The following CAPZB variants were observed in gnomAD, a reference collection of about 807,000 sequenced individuals.
CAPZB encodes the protein F-actin-capping protein subunit beta.
In CAPZB, 2 loss-of-function variants were observed where a neutral mutation model predicts 38.1. The observed-to-expected ratio is 0.05, with a 90% CI of 0.02 to 0.17. CAPZB has a LOEUF of 0.17. Among genes scored for constraint, CAPZB ranks in the 10% least tolerant of loss-of-function variants. The pLI, the probability that CAPZB is intolerant of heterozygous loss-of-function variation, is 1.00. For synonymous variants in CAPZB, 107 were observed against 127.4 expected (o/e 0.84, Z 1.08); for missense variants, 161 against 334.2 (o/e 0.48, Z 4.04).
intron 1 of CAPZB, among the ~76,000 whole-genome samples, chr1:19,469,741 T>TATACACACACAC (rs369308849): frequency 7.3e-6 from 1 of 136,620 alleles, no homozygotes; most frequent in African/African-American, 2.8e-5. Context: ...AGGAAAAGAA[T>TATACACACACAC]ACACACACAC....
intron 8 of CAPZB, chr1:19,342,694 G>C (rs921875680): frequency 1.0e-4 from 106 of 1,055,324 alleles, no homozygotes; most frequent in Non-Finnish European, 1.4e-4. Context: ...GCAGGGTCTC[G>C]GCGGGTTGGT....
intron 2 of CAPZB, among the ~76,000 whole-genome samples, chr1:19,410,995 A>C (rs1211964392): frequency 6.6e-6 from 1 of 152,180 alleles, no homozygotes; most frequent in East Asian, 1.9e-4. Context: ...GAAGCGTATT[A>C]ATAATGAGAC....
chr1:19,378,358 G>A (rs1011380945), intron 4 of CAPZB, among the ~76,000 whole-genome samples, 182 bp downstream of exon 4: 1 of 152,158 alleles, frequency 6.6e-6, no homozygotes, highest in African/African-American at 2.4e-5. Context: ...ATCCTGCTAT[G>A]GGAGGCTCCC....
At chr1:19,365,932 G>T (rs1464567837) in intron 4 of CAPZB, among the ~76,000 whole-genome samples, 2 of 152,164 alleles carry the variant, frequency 1.3e-5, no homozygotes, top group African/African-American at 4.8e-5. Context: ...TGGAATGCCG[G>T]CTGAAGAGCT....
chr1:19,412,718 A>C (rs1204411781), intron 2 of CAPZB, among the ~76,000 whole-genome samples: 1 of 152,210 alleles, frequency 6.6e-6, no homozygotes, highest in Non-Finnish European at 1.5e-5. Context: ...TTGGGGAAAG[A>C]ATGAGAAGCG....
rs370996580 is a variant in CAPZB, at chr1:19,357,452, G to A, written c.441C>T (p.Cys147=). The A allele has an allele frequency of 6.2e-7, 1 of 1,614,054 alleles. No homozygotes were observed. The highest frequency in any genetic ancestry group is 8.5e-7 in the Non-Finnish European group (1 of 1,180,016). Residue 147 remains cysteine, a synonymous_variant, in exon 5 of 9, where the codon TGC becomes TGT. Coordinates refer to ENST00000264202, the MANE Select transcript of CAPZB (RefSeq NM_004930.5). This position sits in a 1 kb window ranked among gnomAD's most constrained non-coding sequence, Gnocchi z 4.3. The stretch of plus-strand genomic sequence containing the variant: ...CTTCTACCACGTGGATGGAATCCCA[G>A]CAGCCTTTGATCTTCTTTGATCCAT... The part of the protein sequence containing the change: ...AGDGSKKIKG[C]WDSIHVVEVQ...
rs553315877 is a variant in CAPZB, at chr1:19,383,578, C to T, written c.215+1927G>A. On this transcript the variant is annotated intron_variant, in intron 3 of 8. Coordinates refer to ENST00000264202, the MANE Select transcript of CAPZB (RefSeq NM_004930.5). ...GATGCTCCCAAGGACAGCACCTGGA[C>T]GCCATGCTGTGACCAGCAGTTCCAG... Among the ~76,000 whole-genome samples, 8 of 152,274 alleles carry T rather than the reference C, an allele frequency of 5.3e-5. No individual in the cohort carries two copies. In the South Asian group the frequency reaches 6.2e-4, roughly 12 times the overall value.
Position 19,485,469 on chromosome 1 carries a change from G to A in CAPZB, c.-31C>T, listed in dbSNP as rs1460944790. On this transcript the variant is annotated 5_prime_UTR_variant, in exon 1 of 9. Transcript: ENST00000264202. ...CGGCGGCGGCGGCGGTCCCGGTCCC[G>A]GCGTCAGTGGCTCTCCCCCCCGCAG... 66 of 1,229,510 alleles carry A rather than the reference G, an allele frequency of 5.4e-5. No homozygotes were observed. Among genetic ancestry groups the A allele is most frequent in the Admixed American group, 8.5e-5 (2 of 23,562 alleles). The allele number at this position is 1,229,510 out of a possible 1,614,324, so 76.2% of individuals were successfully genotyped here. A position where few individuals can be genotyped will look rare whatever the true frequency, so the allele number is the denominator to read the frequency against.
chr1:19,432,983 T>C (rs1344434317), intron 1 of CAPZB, among the ~76,000 whole-genome samples: 2 of 152,134 alleles, frequency 1.3e-5, no homozygotes, highest in Non-Finnish European at 2.9e-5. Context: ...ACAAACACTA[T>C]CCCTGGCAGG....
At chr1:19,397,129 C>T (rs2094275748) in intron 2 of CAPZB, among the ~76,000 whole-genome samples, 2 of 152,148 alleles carry the variant, frequency 1.3e-5, no homozygotes, top group African/African-American at 2.4e-5. Context: ...TGAAAAGATA[C>T]ATAGTGAAAC....
intron 1 of CAPZB, chr1:19,448,811 C>T: frequency 6.2e-7 from 1 of 1,612,558 alleles, no homozygotes; most frequent in Non-Finnish European, 8.5e-7. Flanking sequence ...CTCCTCCCCC[C>T]TCAGATCTAA....
intron 1 of CAPZB, among the ~76,000 whole-genome samples, chr1:19,485,048 G>C (rs867782063): frequency 6.6e-6 from 1 of 152,128 alleles, no homozygotes; most frequent in African/African-American, 2.4e-5. Context: ...CCGGAGAGAC[G>C]GGGGAAAGCA....
At chr1:19,449,462 GA>G (rs1349574309) in intron 1 of CAPZB, 1 of 382,512 alleles carries the variant, frequency 2.6e-6, no homozygotes, top group Admixed American at 6.3e-5. Context: ...GGAACAGTAC[GA>G]AACAGCTAAA....
At chr1:19,418,737 T>TCTC (rs1333461741) in intron 2 of CAPZB, among the ~76,000 whole-genome samples, 11 of 152,306 alleles carry the variant, frequency 7.2e-5, no homozygotes, top group African/African-American at 2.6e-4. Flanking sequence ...CATCCGTGCC[T>TCTC]CTCCTAGCAG....
chr1:19,461,956 A>T (rs1467751893), intron 1 of CAPZB, among the ~76,000 whole-genome samples: 7 of 152,230 alleles, frequency 4.6e-5, no homozygotes, highest in African/African-American at 7.2e-5. Flanking sequence ...CAATGAATAA[A>T]TATGTGCTAT....
intron 4 of CAPZB, among the ~76,000 whole-genome samples, chr1:19,369,713 G>C (rs2094109834): frequency 6.6e-6 from 1 of 152,230 alleles, no homozygotes; most frequent in Non-Finnish European, 1.5e-5. Context: ...CCTACCTCTA[G>C]GCAAGGAAAT....
intron 1 of CAPZB, among the ~76,000 whole-genome samples, chr1:19,441,103 T>TA (rs2094474877): frequency 6.6e-6 from 1 of 152,182 alleles, no homozygotes; most frequent in Non-Finnish European, 1.5e-5. Flanking sequence ...TTATAGCTGC[T>TA]AAAACCTTAT....
In CAPZB at chr1:19,460,574, C is replaced by CTTTTTTTTTTTTTTT. The variant is rs35288971; in HGVS notation, c.3+24847_3+24861dup. Among the ~76,000 whole-genome samples, 77 of 90,980 alleles carry CTTTTTTTTTTTTTTT rather than the reference C, an allele frequency of 8.5e-4. 3 individuals carry two copies. Among genetic ancestry groups the CTTTTTTTTTTTTTTT allele is most frequent in the East Asian group, 1.1e-3 (3 of 2,786 alleles). 59.7% of individuals were successfully genotyped at this position (90,980 alleles called of 152,430 possible). On this transcript the variant is annotated intron_variant, in intron 1 of 8. Transcript: ENST00000264202. The stretch of plus-strand genomic sequence containing the variant: ...ACAGGCGTGAGCCACTGTGCCCAGG[C>CTTTTTTTTTTTTTTT]TTTTTTTTTTTTTTTTTTTTTTTGT...
chr1:19,402,567 G>A (rs779348141), intron 2 of CAPZB, among the ~76,000 whole-genome samples: 3 of 152,144 alleles, frequency 2.0e-5, no homozygotes, highest in Non-Finnish European at 4.4e-5. Flanking sequence ...CAATTCACAC[G>A]CTCTATCTAA....
Sources: gnomAD v4.1 joint callset for allele counts (sites outside exome capture counted in the v4.1 genomes callset) on GRCh38, gnomAD v4.1.1 for gene constraint, Gnocchi (gnomAD v3.1) non-coding constraint, MANE v1.5 for transcripts, NCBI Gene and HGNC (gene_info 2026-07-23, HGNC 2026-07-21) for gene names.